PDE1C: variants seen among roughly 807,000 people sequenced by gnomAD.
The protein encoded by PDE1C is dual specificity calcium/calmodulin-dependent 3',5'-cyclic nucleotide phosphodiesterase 1C.
Under a neutral mutation model 93.1 loss-of-function variants are expected in PDE1C, and 62 were observed. The ratio of observed to expected loss-of-function variants is 0.67; its 90% CI spans 0.54 to 0.82. PDE1C has a LOEUF of 0.82. PDE1C is among the 40% of genes least tolerant of loss of function. The pLI is 0.00. For missense variants in PDE1C, 742 were observed against 884.6 expected (o/e 0.84, Z 2.04); for synonymous variants, 325 against 310.1 (o/e 1.05, Z -0.50).
intron 1 of PDE1C, among the ~76,000 whole-genome samples, chr7:32,068,588 T>G (rs1000083140): frequency 6.6e-6 from 1 of 151,222 alleles, no homozygotes; most frequent in Middle Eastern, 3.2e-3. Context: ...TACATTACAC[T>G]GCAACACCTT....
chr7:32,001,617 G>C (rs183092378), intron 2 of PDE1C, among the ~76,000 whole-genome samples: 1 of 152,060 alleles, frequency 6.6e-6, no homozygotes, highest in Non-Finnish European at 1.5e-5. Context: ...CCTGACCAGC[G>C]ACCCCATCAT....
intron 2 of PDE1C, among the ~76,000 whole-genome samples, chr7:32,205,848 GAGTCATT>G (rs1562577172): frequency 2.6e-5 from 4 of 151,872 alleles, no homozygotes; most frequent in South Asian, 4.2e-4. Flanking sequence ...TTCACCCCTG[GAGTCATT>G]AAGATCGTGA....
At chr7:32,168,006 C>T (rs1218407216) in intron 3 of PDE1C, among the ~76,000 whole-genome samples, 2 of 152,078 alleles carry the variant, frequency 1.3e-5, no homozygotes, top group African/African-American at 4.8e-5. Context: ...AGAATATTTA[C>T]CATTTAGCAC....
At chr7:31,937,834 T>C (rs564157127) in intron 2 of PDE1C, among the ~76,000 whole-genome samples, 1 of 152,290 alleles carries the variant, frequency 6.6e-6, no homozygotes, top group Non-Finnish European at 1.5e-5. Context: ...GAAGGAGCCA[T>C]AAACATGAAA....
At chr7:32,159,668 G>C (rs1333740675) in intron 3 of PDE1C, among the ~76,000 whole-genome samples, 1 of 152,122 alleles carries the variant, frequency 6.6e-6, no homozygotes, top group Non-Finnish European at 1.5e-5. Context: ...GAAGTAGAAA[G>C]GCAGAGGTGC....
In PDE1C at chr7:31,967,889, C is replaced by T. The variant is rs543920682; in HGVS notation, c.128+83665G>A. ...ATTATCTCAATAGATGCAGAAAAGG[C>T]CTTTGACAAAATTCAACAATGCTTC... On this transcript the variant is annotated intron_variant, in intron 2 of 17. Transcript: ENST00000396191. 5.5e-4 allele frequency among the ~76,000 whole-genome samples: 83 copies of T among 152,292 alleles called. 1 individual carries two copies. Among genetic ancestry groups the T allele is most frequent in the African/African-American group, 1.8e-3 (76 of 41,558 alleles).
intron 1 of PDE1C, among the ~76,000 whole-genome samples, chr7:32,221,481 C>T (rs13241693): frequency 0.12 from 18,284 of 152,120 alleles, 1,186 homozygotes; most frequent in East Asian, 0.23. Flanking sequence ...TTGACAAGCC[C>T]GTGGTCTTGT....
intron 1 of PDE1C, among the ~76,000 whole-genome samples, chr7:32,327,580 A>G (rs1187309187): frequency 2.0e-5 from 3 of 152,160 alleles, no homozygotes; most frequent in Non-Finnish European, 4.4e-5. Context: ...CATCCTGGCC[A>G]ACATGGTGAA....
intron 1 of PDE1C, among the ~76,000 whole-genome samples, chr7:32,390,582 C>T (rs1256481202): frequency 1.3e-5 from 2 of 149,862 alleles, no homozygotes; most frequent in Admixed American, 6.6e-5. Flanking sequence ...CACACCAGTT[C>T]ATCCCTATAA....
At chr7:31,801,713 A>G (rs527781498) in intron 16 of PDE1C, among the ~76,000 whole-genome samples, 3 of 151,566 alleles carry the variant, frequency 2.0e-5, no homozygotes, top group African/African-American at 7.2e-5. Context: ...CAACATTATC[A>G]TTATGAAATG....
chr7:31,835,297 T>A (rs1457242549), intron 11 of PDE1C, among the ~76,000 whole-genome samples: 1 of 152,046 alleles, frequency 6.6e-6, no homozygotes, highest in Non-Finnish European at 1.5e-5. Context: ...TTGGAGAACA[T>A]CCTCCTACTA....
intron 2 of PDE1C, among the ~76,000 whole-genome samples, chr7:32,185,640 T>C (rs1405402340): frequency 6.6e-6 from 1 of 152,216 alleles, no homozygotes; most frequent in Non-Finnish European, 1.5e-5. Context: ...TATTTGCATC[T>C]TCTGTTTTAA....
intron 3 of PDE1C, among the ~76,000 whole-genome samples, chr7:32,112,836 GTGTGTGTGTGTATATATATATATATA>G (rs1472892109): frequency 8.7e-5 from 5 of 57,718 alleles, no homozygotes; most frequent in African/African-American, 4.7e-4. Context: ...GTGTGTGTGT[GTGTGTGTGTGTATATATATATATATA>G]TATATATATA....
chr7:32,001,107 T>C (rs533136922), intron 2 of PDE1C, among the ~76,000 whole-genome samples: 3 of 152,160 alleles, frequency 2.0e-5, no homozygotes, highest in African/African-American at 4.8e-5. Flanking sequence ...TGTAAAAGAA[T>C]GGATAGGCAT....
the PDE1C span, among the ~76,000 whole-genome samples, chr7:31,675,065 C>T: frequency 6.6e-6 from 1 of 152,194 alleles, no homozygotes; most frequent in East Asian, 1.9e-4. Flanking sequence ...TAGAGAGCCC[C>T]ACTGGTTGCC....
At chr7:32,131,904 T>C (rs1799939308) in intron 3 of PDE1C, among the ~76,000 whole-genome samples, 1 of 152,028 alleles carries the variant, frequency 6.6e-6, no homozygotes, top group Admixed American at 6.6e-5. Context: ...TAGAAAACAA[T>C]AGTAGAAGTA....
At chr7:31,923,372 G>T (rs1383306257) in intron 2 of PDE1C, among the ~76,000 whole-genome samples, 1 of 152,126 alleles carries the variant, frequency 6.6e-6, no homozygotes, top group African/African-American at 2.4e-5. Flanking sequence ...GGGGTGGGAG[G>T]TGGGAGGAGG....
rs1247703691 is a variant in PDE1C, at chr7:32,051,319, C to T, written c.128+235G>A. On this transcript the variant is annotated intron_variant, in intron 2 of 17. Transcript: ENST00000396191. ...CACTAGACAGCATGGCAGTAACAAG[C>T]TTTTGAGCCCACAGGATCTACTCTC... 2.6e-5 allele frequency among the ~76,000 whole-genome samples: 4 copies of T among 152,302 alleles called. No individual in the cohort carries two copies. The South Asian group carries it at 8.3e-4, about 32-fold the overall frequency.
At chr7:31,724,614 C>T in the PDE1C span, among the ~76,000 whole-genome samples, 2 of 152,180 alleles carry the variant, frequency 1.3e-5, no homozygotes, top group Non-Finnish European at 2.9e-5. Context: ...TCTGATTCTT[C>T]ATAGAAATTA....
Sources: allele counts gnomAD v4.1 joint callset (sites outside exome capture counted in the v4.1 genomes callset), GRCh38; gene constraint gnomAD v4.1.1; transcripts MANE v1.5; gene names NCBI Gene and HGNC (gene_info 2026-07-23, HGNC 2026-07-21).